The following KDM6A variants were observed in gnomAD, a reference collection of about 807,000 sequenced individuals.
KDM6A encodes the protein lysine demethylase 6A, also known as lysine-specific demethylase 6A.
Under a neutral mutation model 117.6 loss-of-function variants are expected in KDM6A, and 11 were observed. The observed-to-expected ratio is 0.09, with a 90% CI of 0.06 to 0.15. The LOEUF (loss-of-function observed/expected upper bound fraction) is 0.15. KDM6A is among the 10% of genes least tolerant of loss of function. KDM6A has a pLI of 1.00. For missense variants in KDM6A, 799 were observed against 1,077.3 expected (o/e 0.74, Z 3.62); for synonymous variants, 384 against 396.1 (o/e 0.97, Z 0.36).
In KDM6A at chrX:45,055,261, TTAATTTTAATTAATG is replaced by T. The variant is rs773488329; in HGVS notation, c.875+1326_875+1340del. Among the ~76,000 whole-genome samples the T allele has an allele frequency of 1.7e-3, 185 of 111,216 alleles. 1 individual carries two copies. The highest frequency in any genetic ancestry group is 4.9e-3 in the South Asian group (13 of 2,662). ...AAGGAAAGTATGTTTGTATGAGACATTAATTTTAATTAATGTAATTTTAATTAATGTAATATTACT... is the reference window on the plus strand; with the variant it reads ...AAGGAAAGTATGTTTGTATGAGACATTAATTTTAATTAATGTAATATTACT... On this transcript the variant is annotated intron_variant, in intron 10 of 29. Transcript: ENST00000611820.
At chrX:45,094,749 C>T (rs1290324671) in intron 27 of KDM6A, among the ~76,000 whole-genome samples, 1 of 111,845 alleles carries the variant, frequency 8.9e-6, no homozygotes, top group Non-Finnish European at 1.9e-5. Flanking sequence ...CTATACCTCT[C>T]TTTTTTGCCC....
intron 2 of KDM6A, among the ~76,000 whole-genome samples, chrX:44,916,206 G>GA (rs1304079421): frequency 5.4e-5 from 6 of 110,848 alleles, no homozygotes; most frequent in African/African-American, 2.0e-4. Flanking sequence ...GAATAAGGGG[G>GA]ACTACTGTAT....
intron 6 of KDM6A, among the ~76,000 whole-genome samples, chrX:45,028,395 CTG>C (rs1217435406): frequency 8.9e-6 from 1 of 112,126 alleles, no homozygotes; most frequent in East Asian, 2.8e-4. Context: ...TTTGGTATAA[CTG>C]TTGGTTCTTT....
intron 17 of KDM6A, among the ~76,000 whole-genome samples, chrX:45,068,040 A>G (rs1010339195): frequency 4.5e-5 from 5 of 111,382 alleles, no homozygotes; most frequent in Non-Finnish European, 9.4e-5. Flanking sequence ...AGCTTCAGAA[A>G]CTGATTTTAG....
At chrX:44,887,023 C>T (rs2032951774) in intron 2 of KDM6A, among the ~76,000 whole-genome samples, 1 of 106,215 alleles carries the variant, frequency 9.4e-6, no homozygotes, top group African/African-American at 3.5e-5. Context: ...CAGCCTCCGC[C>T]TCCCAGGTTC....
chrX:45,002,861 G>GCCCCT (rs2041214989), intron 4 of KDM6A, among the ~76,000 whole-genome samples: 1 of 22,010 alleles, frequency 4.5e-5, no homozygotes, highest in African/African-American at 1.4e-4. Context: ...TCCCCTCCCC[G>GCCCCT]CCCCCCCCCC....
Position 44,974,641 on chromosome X carries a change from T to C in KDM6A, c.335-25T>C, listed in dbSNP as rs773478080. On this transcript the variant is annotated intron_variant, in intron 3 of 29. Transcript: ENST00000611820. ...TTGACTTTAAAGTGAGACATAATTA[T>C]GACTCATAATTATTTTCCTTTCAGC... 9 of 1,078,265 alleles carry C rather than the reference T, an allele frequency of 8.3e-6. No homozygotes were observed. In the East Asian group the frequency reaches 2.4e-4, roughly 29 times the overall value. 88.9% of individuals were successfully genotyped at this position (1,078,265 alleles called of 1,213,427 possible). A position where few individuals can be genotyped will look rare whatever the true frequency, so the allele number is the denominator to read the frequency against.
rs772909054 is a variant in KDM6A, at chrX:45,070,025, C to G, written c.2526C>G (p.Asn842Lys). Reference protein sequence around the residue: ...LSALLMGKANNNVGTGTCDKV... With the variant: ...LSALLMGKANKNVGTGTCDKV... ...CCTTGTTGATGGGAAAAGCCAATAA[C>G]AATGTGGGTACTGGAACCTGTGACA... is the stretch of plus-strand genomic sequence containing the variant. The change falls in exon 18 of 30, where the codon AAC becomes AAG. Residue 842 changes from asparagine (N) to lysine (K), a missense_variant. Physicochemically the swap from Asn to Lys is moderately conservative, Grantham distance 94. Around this residue, in one of 8 missense-constraint regions of KDM6A, gnomAD observed 301 missense variants for 318.3 expected, o/e 0.95. Transcript: ENST00000611820. The G allele has an allele frequency of 3.5e-5, 42 of 1,211,487 alleles. 1 individual carries two copies. In the South Asian group the frequency reaches 7.4e-4, roughly 21 times the overall value.
Position 44,984,734 on chromosome X carries a change from T to G in KDM6A, c.384+10019T>G, listed in dbSNP as rs961133540. ...ATCAGATAGTTGTAGATATGCAGCA[T>G]TATTTCTGAGGGCTCTGTTCTTTTC... On this transcript the variant is annotated intron_variant, in intron 4 of 29. Transcript: ENST00000611820. 6.2e-4 allele frequency among the ~76,000 whole-genome samples: 69 copies of G among 111,616 alleles called. 1 individual carries two copies. The highest frequency in any genetic ancestry group is 1.5e-4 in the Non-Finnish European group (8 of 53,143).
intron 2 of KDM6A, among the ~76,000 whole-genome samples, chrX:44,901,999 G>A (rs1233663742): frequency 2.7e-5 from 3 of 112,417 alleles, no homozygotes; most frequent in Non-Finnish European, 5.6e-5. Context: ...GGCCGAGGCA[G>A]GCGGATCACC....
intron 5 of KDM6A, among the ~76,000 whole-genome samples, chrX:45,013,739 C>G (rs2041860511): frequency 8.9e-6 from 1 of 112,053 alleles, no homozygotes; most frequent in African/African-American, 3.2e-5. Context: ...CTTATGAATT[C>G]ACTCTGGCTG....
At chrX:45,058,406 C>T (rs771031135) in intron 10 of KDM6A, among the ~76,000 whole-genome samples, 1 of 110,371 alleles carries the variant, frequency 9.1e-6, no homozygotes, top group East Asian at 2.8e-4. Context: ...TCTTACCTTG[C>T]TAACTTTACT....
intron 2 of KDM6A, among the ~76,000 whole-genome samples, chrX:44,952,201 C>G (rs1268115677): frequency 3.6e-5 from 4 of 110,375 alleles, no homozygotes; most frequent in African/African-American, 1.3e-4. Flanking sequence ...CCCATGAATG[C>G]AGAGTAGTAG....
chrX:45,034,021 C>T (rs2042709578), intron 6 of KDM6A, among the ~76,000 whole-genome samples: 2 of 110,011 alleles, frequency 1.8e-5, no homozygotes, highest in African/African-American at 6.6e-5. Flanking sequence ...TAATGCTTTC[C>T]ACTTTAATTA....
chrX:45,027,367 A>ACACACACACACACC (rs1556192829), intron 6 of KDM6A, among the ~76,000 whole-genome samples: 2 of 107,469 alleles, frequency 1.9e-5, no homozygotes, highest in South Asian at 3.9e-4. Flanking sequence ...ACACACACAC[A>ACACACACACACACC]CCCGCCCGTC....
intron 27 of KDM6A, among the ~76,000 whole-genome samples, chrX:45,101,379 T>C (rs1334290540): frequency 8.9e-6 from 1 of 111,770 alleles, no homozygotes; most frequent in African/African-American, 3.3e-5. Context: ...GTTGTAATTA[T>C]TATTATTTTA....
At chrX:45,041,927 C>T (rs1166468153) in intron 8 of KDM6A, among the ~76,000 whole-genome samples, 5 of 110,039 alleles carry the variant, frequency 4.5e-5, no homozygotes, top group Non-Finnish European at 9.6e-5. Context: ...TTGTAGCGAG[C>T]CGAGATCACG....
At chrX:44,963,502 T>TGTCTGTCTCTGTCC (rs2038836281) in intron 3 of KDM6A, among the ~76,000 whole-genome samples, 3 of 104,213 alleles carry the variant, frequency 2.9e-5, no homozygotes, top group Non-Finnish European at 5.9e-5. Flanking sequence ...TGTCTGTCTC[T>TGTCTGTCTCTGTCC]GTCTGTCTGT....
At chrX:44,891,334 T>G (rs1027065782) in intron 2 of KDM6A, among the ~76,000 whole-genome samples, 1 of 111,604 alleles carries the variant, frequency 9.0e-6, no homozygotes, top group African/African-American at 3.3e-5. Context: ...AAGTTGAGCT[T>G]TGTTTTTGCT....
Sources: allele counts gnomAD v4.1 joint callset (sites outside exome capture counted in the v4.1 genomes callset), GRCh38; gene constraint gnomAD v4.1.1; regional missense constraint gnomAD v4.1.1; transcripts MANE v1.5; gene names NCBI Gene and HGNC (gene_info 2026-07-23, HGNC 2026-07-21).